Variants in CCDC134 observed in about 807,000 individuals in gnomAD.
CCDC134 encodes coiled-coil domain-containing protein 134.
In CCDC134, 27 loss-of-function variants were observed where a neutral mutation model predicts 25.6. The observed-to-expected ratio is 1.05, with a 90% confidence interval of 0.78 to 1.45. The LOEUF is 1.45. Among genes scored for constraint, CCDC134 ranks in the 40% most tolerant of loss-of-function variants. CCDC134 has a pLI of 0.00. For missense variants in CCDC134, 261 were observed against 286.7 expected (o/e 0.91, Z 0.65); for synonymous variants, 110 against 115.0 (o/e 0.96, Z 0.28).
chr22:41,812,643 A>G (rs2076602773), intron 4 of CCDC134, among the ~76,000 whole-genome samples: 1 of 152,122 alleles, frequency 6.6e-6, no homozygotes, highest in Admixed American at 6.6e-5. Context: ...AAAGTAATTA[A>G]TTAATTAATT....
intron 6 of CCDC134, 37 bp downstream of exon 6, chr22:41,813,859 C>G (rs771298632): frequency 7.5e-6 from 12 of 1,595,408 alleles, no homozygotes; most frequent in Non-Finnish European, 1.0e-5. Context: ...TCTGCTTTGC[C>G]TCTGCTGGGC....
intron 6 of CCDC134, among the ~76,000 whole-genome samples, chr22:41,823,481 T>G (rs2076661855): frequency 6.7e-6 from 1 of 148,484 alleles, no homozygotes; most frequent in South Asian, 2.1e-4. Flanking sequence ...CCACCTCAGT[T>G]TCCCAAAATG....
At position 41,825,717 on chromosome 22, in the gene CCDC134, CT is replaced by C. The variant is rs1456777440; in HGVS notation, c.587del (p.Phe196SerfsTer5). On this transcript the variant is annotated frameshift_variant, in exon 7 of 7. Transcript: ENST00000255784. LOFTEE classifies it high-confidence loss of function. The surrounding 1 kb of genome is among the most constrained non-coding windows in gnomAD (Gnocchi z 4.4). ...DRTEFIPSTD[P>X]FQKALREEEK... The stretch of plus-strand genomic sequence containing the variant: ...CTTCAGTTCATTCCCAGCACTGACC[CT>C]TTCCAGAAGGCCCTGAGAGAAGAAG... The C allele has an allele frequency of 1.2e-6, 2 of 1,614,030 alleles. No individual in the cohort carries two copies. The highest frequency in any genetic ancestry group is 1.7e-6 in the Non-Finnish European group (2 of 1,179,996).
chr22:41,800,987 G>T (rs1013508449), intron 1 of CCDC134, among the ~76,000 whole-genome samples: 46 of 152,306 alleles, frequency 3.0e-4, no homozygotes, highest in Non-Finnish European at 5.7e-4. Flanking sequence ...CCACTACCTG[G>T]TACCTCTGCA....
intron 6 of CCDC134, among the ~76,000 whole-genome samples, chr22:41,818,306 T>C (rs934469165): frequency 1.3e-5 from 2 of 152,216 alleles, no homozygotes; most frequent in East Asian, 1.9e-4. Flanking sequence ...GAGCTAGTCA[T>C]GTGGGTACTT....
intron 4 of CCDC134, 59 bp from the exon 5 acceptor site, chr22:41,813,205 G>A: frequency 6.4e-7 from 1 of 1,562,036 alleles, no homozygotes; most frequent in Non-Finnish European, 8.8e-7. Flanking sequence ...GATGCCAGGG[G>A]CCAGTGAGGC....
chr22:41,831,887 A>G lies in CCDC134; in HGVS notation c.*6064A>G, dbSNP rs1038328765. On this transcript the variant is annotated 3_prime_UTR_variant, in exon 7 of 7. Transcript: ENST00000255784. ...CAGAGATGTTCAATAAATATTGTCA[A>G]TTGAATGTGCAAATAATCTCACTTA... The G allele has an allele frequency of 9.2e-5, 14 of 152,330 alleles. No individual in the cohort carries two copies. Among genetic ancestry groups the G allele is most frequent in the African/African-American group, 3.1e-4 (13 of 41,578 alleles). 9.4% of individuals were successfully genotyped at this position (152,330 alleles called of 1,614,324 possible).
At position 41,828,707 on chromosome 22, in the gene CCDC134, C is replaced by T. The variant is rs938763012; in HGVS notation, c.*2884C>T. On this transcript the variant is annotated 3_prime_UTR_variant, in exon 7 of 7. Coordinates refer to ENST00000255784, the MANE Select transcript of CCDC134 (RefSeq NM_024821.5). ...AAAGGCCCTAGGGCACATGTTTGTC[C>T]AGCTGCCTCTTGCAGCTGGGATTGT... Among the ~76,000 whole-genome samples, 10 of 151,408 alleles carry T rather than the reference C, an allele frequency of 6.6e-5. No homozygotes were observed. Among genetic ancestry groups the T allele is most frequent in the African/African-American group, 2.4e-4 (10 of 41,288 alleles).
intron 1 of CCDC134, among the ~76,000 whole-genome samples, chr22:41,808,019 G>T (rs1235119860): frequency 1.3e-5 from 2 of 152,038 alleles, no homozygotes; most frequent in African/African-American, 4.8e-5. Context: ...AATTAGCTGG[G>T]CATGGTGGCG....
In CCDC134 at chr22:41,812,712, GGAAAGAATAT is replaced by G. The variant is rs147435400; in HGVS notation, c.311-551_311-542del. ...TTAAGCACTTAAAATGAAATAAAAT[GGAAAGAATAT>G]TAAAAAAGAAAAATGCTGGCCTGTT... On this transcript the variant is annotated intron_variant, in intron 4 of 6. Coordinates refer to ENST00000255784, the MANE Select transcript of CCDC134 (RefSeq NM_024821.5). 2.5e-3 allele frequency among the ~76,000 whole-genome samples: 377 copies of G among 152,162 alleles called. 1 individual carries two copies. The highest frequency in any genetic ancestry group is 8.8e-3 in the African/African-American group (367 of 41,512).
chr22:41,803,913 C>T (rs560473027), intron 1 of CCDC134, among the ~76,000 whole-genome samples: 13 of 152,120 alleles, frequency 8.5e-5, no homozygotes, highest in African/African-American at 2.7e-4. Context: ...GGGCGGATCA[C>T]GAGGGCAGGA....
rs2076690811 is a variant in CCDC134, at chr22:41,828,664, G to GC, written c.*2844dup. The stretch of plus-strand genomic sequence containing the variant: ...CTTGCTGAGTCTTACTGCAGACAGA[G>GC]CCCACCCCCTGAGCTGTAAAGGCCC... On this transcript the variant is annotated 3_prime_UTR_variant, in exon 7 of 7. Transcript: ENST00000255784. Among the ~76,000 whole-genome samples the GC allele has an allele frequency of 2.0e-5, 3 of 152,106 alleles. No individual in the cohort carries two copies. The highest frequency in any genetic ancestry group is 7.2e-5 in the African/African-American group (3 of 41,434).
chr22:41,828,653 C>T lies in CCDC134; in HGVS notation c.*2830C>T, dbSNP rs989013368. Among the ~76,000 whole-genome samples, 1 of 152,218 alleles carries T rather than the reference C, an allele frequency of 6.6e-6. No individual in the cohort carries two copies. The highest frequency in any genetic ancestry group is 2.4e-5 in the African/African-American group (1 of 41,460). ...CAGGAAGTCCACTTGCTGAGTCTTA[C>T]TGCAGACAGAGCCCACCCCCTGAGC... is the stretch of plus-strand genomic sequence containing the variant. On this transcript the variant is annotated 3_prime_UTR_variant, in exon 7 of 7. Transcript: ENST00000255784.
In CCDC134 at chr22:41,813,831, C is replaced by T; in HGVS notation, c.564+9C>T. The T allele has an allele frequency of 1.2e-6, 2 of 1,613,330 alleles. No homozygotes were observed. Among genetic ancestry groups the T allele is most frequent in the Non-Finnish European group, 1.7e-6 (2 of 1,179,236 alleles). On this transcript the variant is annotated intron_variant, in intron 6 of 6. Coordinates refer to ENST00000255784, the MANE Select transcript of CCDC134 (RefSeq NM_024821.5). ...AAATCGACCGCACAGAGGTGAGCTGCCAGGGCCTATGCCTGTGTCTGCTTT... is the reference window on the plus strand; with the variant it reads ...AAATCGACCGCACAGAGGTGAGCTGTCAGGGCCTATGCCTGTGTCTGCTTT...
intron 6 of CCDC134, among the ~76,000 whole-genome samples, chr22:41,820,387 C>A (rs2076645715): frequency 6.6e-6 from 1 of 152,030 alleles, no homozygotes; most frequent in Non-Finnish European, 1.5e-5. Context: ...ACAACCTCCG[C>A]CTCCCAGATT....
chr22:41,822,182 C>G (rs1028906590), intron 6 of CCDC134, among the ~76,000 whole-genome samples: 13 of 151,984 alleles, frequency 8.6e-5, no homozygotes, highest in Non-Finnish European at 2.9e-5. Flanking sequence ...AGGCTGGAGA[C>G]GTAGCATGGG....
At position 41,832,022 on chromosome 22, in the gene CCDC134, T is replaced by G. The variant is rs1485742274; in HGVS notation, c.*6199T>G. 2.0e-5 allele frequency: 3 copies of G among 152,240 alleles called. No individual in the cohort carries two copies. The highest frequency in any genetic ancestry group is 7.2e-5 in the African/African-American group (3 of 41,454). The allele number at this position is 152,240 out of a possible 1,614,324, so 9.4% of individuals were successfully genotyped here. On this transcript the variant is annotated 3_prime_UTR_variant, in exon 7 of 7. Transcript: ENST00000255784. ...GAATTAGTGGATCCATGTGTCTGCCTCCACACAGCCTGTGTGTTCTTAATT... is the reference window on the plus strand; with the variant it reads ...GAATTAGTGGATCCATGTGTCTGCCGCCACACAGCCTGTGTGTTCTTAATT...
intron 4 of CCDC134, among the ~76,000 whole-genome samples, chr22:41,810,622 A>T (rs779461516): frequency 2.7e-5 from 4 of 150,108 alleles, no homozygotes; most frequent in Non-Finnish European, 5.9e-5. Context: ...CAGCCTCCCA[A>T]GTAGCTGGGA....
chr22:41,814,594 G>A (rs182977717), intron 6 of CCDC134, among the ~76,000 whole-genome samples: 2 of 151,982 alleles, frequency 1.3e-5, no homozygotes, highest in African/African-American at 2.4e-5. Flanking sequence ...GGACAGATAC[G>A]ATAGATGGAG....
Sources: allele counts gnomAD v4.1 joint callset (sites outside exome capture counted in the v4.1 genomes callset), GRCh38; gene constraint gnomAD v4.1.1; non-coding constraint Gnocchi (gnomAD v3.1); transcripts MANE v1.5; gene names NCBI Gene and HGNC (gene_info 2026-07-23, HGNC 2026-07-21).